XKR4: variants seen among roughly 807,000 people sequenced by gnomAD.
XKR4 encodes the protein XK-related protein 4.
XKR4 carries 12 observed loss-of-function variants against 53.9 expected under a neutral mutation model. That is an observed-to-expected ratio of 0.22 (90% CI 0.14 to 0.36). The LOEUF (loss-of-function observed/expected upper bound fraction) is 0.36. XKR4 is among the 10% of genes least tolerant of loss of function. XKR4 has a pLI of 1.00. For missense variants in XKR4, 799 were observed against 859.5 expected (o/e 0.93, Z 0.88); for synonymous variants, 354 against 362.4 (o/e 0.98, Z 0.26).
intron 2 of XKR4, among the ~76,000 whole-genome samples, chr8:55,379,984 C>T (rs113279763): frequency 1.3e-5 from 2 of 152,198 alleles, no homozygotes; most frequent in Admixed American, 6.5e-5. Flanking sequence ...ACATCATGCA[C>T]GTTAAGGCAT....
chr8:55,394,611 C>T (rs891844646), intron 2 of XKR4, among the ~76,000 whole-genome samples: 3 of 152,180 alleles, frequency 2.0e-5, no homozygotes, highest in African/African-American at 7.2e-5. Flanking sequence ...ATATCTTTCA[C>T]TTCCTCTTTG....
chr8:55,125,941 A>G (rs905810694), intron 1 of XKR4, among the ~76,000 whole-genome samples: 6 of 152,198 alleles, frequency 3.9e-5, no homozygotes, highest in African/African-American at 1.2e-4. Flanking sequence ...CACAGGTTGT[A>G]TGTCCTTGAA....
At chr8:55,429,291 A>G (rs565691321) in intron 2 of XKR4, among the ~76,000 whole-genome samples, 2 of 152,366 alleles carry the variant, frequency 1.3e-5, no homozygotes, top group South Asian at 4.1e-4. Context: ...TGGATAACAG[A>G]CTTCAGTGTA....
chr8:55,245,119 C>G (rs1240622270), intron 1 of XKR4, among the ~76,000 whole-genome samples: 1 of 151,952 alleles, frequency 6.6e-6, no homozygotes, highest in East Asian at 1.9e-4. Context: ...GTTGGCAAGG[C>G]TGGTCTCGAA....
intron 1 of XKR4, among the ~76,000 whole-genome samples, chr8:55,106,312 A>G (rs1816146012): frequency 6.6e-6 from 1 of 152,194 alleles, no homozygotes; most frequent in Non-Finnish European, 1.5e-5. Flanking sequence ...ATATGTTACA[A>G]TGCAACTGCT....
At chr8:55,427,876 T>C (rs1246516943) in intron 2 of XKR4, among the ~76,000 whole-genome samples, 1 of 152,214 alleles carries the variant, frequency 6.6e-6, no homozygotes, top group Non-Finnish European at 1.5e-5. Context: ...CACTCTCTTA[T>C]AGTTTATAAT....
chr8:55,447,370 TTGG>T (rs1469733005), intron 2 of XKR4, among the ~76,000 whole-genome samples: 1 of 152,184 alleles, frequency 6.6e-6, no homozygotes, highest in African/African-American at 2.4e-5. Context: ...CCTAGGGCTC[TTGG>T]TAGATGGACA....
chr8:55,190,816 C>T lies in XKR4; in HGVS notation c.806+87522C>T, dbSNP rs547738267. 2.6e-5 allele frequency among the ~76,000 whole-genome samples: 4 copies of T among 152,248 alleles called. No homozygotes were observed. The South Asian group carries it at 6.2e-4, about 24-fold the overall frequency. On this transcript the variant is annotated intron_variant, in intron 1 of 2. Transcript: ENST00000327381. ...CCGCTTTATGGAAACTCGTACATGA[C>T]GTGCAGCCTTGAAAATCCGAAAATG... is the stretch of plus-strand genomic sequence containing the variant.
chr8:55,426,453 C>G (rs1017493157), intron 2 of XKR4, among the ~76,000 whole-genome samples: 1 of 152,080 alleles, frequency 6.6e-6, no homozygotes, highest in African/African-American at 2.4e-5. Flanking sequence ...ACTGTACATT[C>G]CTTTAAGGTT....
intron 2 of XKR4, among the ~76,000 whole-genome samples, chr8:55,446,666 A>G (rs1455374404): frequency 6.6e-6 from 1 of 152,126 alleles, no homozygotes; most frequent in African/African-American, 2.4e-5. Context: ...CAATTTCAAG[A>G]GGGGATCAGT....
chr8:55,263,924 T>C (rs1009672484), intron 1 of XKR4, among the ~76,000 whole-genome samples: 4 of 152,116 alleles, frequency 2.6e-5, no homozygotes, highest in African/African-American at 7.2e-5. Context: ...ATTAGGAAAA[T>C]GGTCATTGCA....
chr8:55,481,908 A>G (rs13252235), intron 2 of XKR4, among the ~76,000 whole-genome samples: 152,316 of 152,318 alleles, frequency 1, 76,157 homozygotes, highest in Non-Finnish European at 1. Context: ...AGGTCCTGTA[A>G]AGGATGTGGA....
rs201207328 is a variant in XKR4, at chr8:55,437,954, C to CA, written c.1006+80089dup. 3.1e-3 allele frequency among the ~76,000 whole-genome samples: 396 copies of CA among 127,638 alleles called. 1 individual carries two copies. The highest frequency in any genetic ancestry group is 8.7e-3 in the African/African-American group (302 of 34,912). 83.7% of individuals were successfully genotyped at this position (127,638 alleles called of 152,430 possible). A position where few individuals can be genotyped will look rare whatever the true frequency, so the allele number is the denominator to read the frequency against. On this transcript the variant is annotated intron_variant, in intron 2 of 2. Coordinates refer to ENST00000327381, the MANE Select transcript of XKR4 (RefSeq NM_052898.2). ...TGTGCAGGTCCTCCAAACAAACAAA[C>CA]AAAAAAAAAAAAGAAGAAGAAGAAG...
chr8:55,150,567 C>T (rs553227870), intron 1 of XKR4, among the ~76,000 whole-genome samples: 60 of 152,158 alleles, frequency 3.9e-4, no homozygotes, highest in Non-Finnish European at 5.3e-4. Context: ...CCTGCCAGGG[C>T]CCTCTGCTCC....
At chr8:55,383,464 G>C (rs185264505) in intron 2 of XKR4, among the ~76,000 whole-genome samples, 204 of 152,292 alleles carry the variant, frequency 1.3e-3, no homozygotes, top group Non-Finnish European at 2.4e-3. Flanking sequence ...CTGAGTATAC[G>C]GGGAACCGTT....
At chr8:55,289,644 A>G (rs1487322120) in intron 1 of XKR4, among the ~76,000 whole-genome samples, 11 of 120,960 alleles carry the variant, frequency 9.1e-5, no homozygotes, top group African/African-American at 3.6e-4. Context: ...AAAGAAAGAA[A>G]GAAAGGAAGG....
chr8:55,229,770 C>G (rs1818005895), intron 1 of XKR4, among the ~76,000 whole-genome samples: 1 of 152,158 alleles, frequency 6.6e-6, no homozygotes, highest in Non-Finnish European at 1.5e-5. Flanking sequence ...GGCCCCCCTA[C>G]AGAAGCTTAG....
intron 2 of XKR4, among the ~76,000 whole-genome samples, chr8:55,446,175 C>G (rs576446116): frequency 1.3e-5 from 2 of 152,236 alleles, no homozygotes; most frequent in Admixed American, 1.3e-4. Flanking sequence ...AAAATCTATG[C>G]TGAAAGTTCA....
chr8:55,516,757 C>G (rs1239127005), intron 2 of XKR4, among the ~76,000 whole-genome samples: 1 of 152,178 alleles, frequency 6.6e-6, no homozygotes, highest in Non-Finnish European at 1.5e-5. Context: ...TTCCATCCAG[C>G]ATTCTCACTA....
Sources: gnomAD v4.1 joint callset for allele counts (sites outside exome capture counted in the v4.1 genomes callset) on GRCh38, gnomAD v4.1.1 for gene constraint, MANE v1.5 for transcripts, NCBI Gene and HGNC (gene_info 2026-07-23, HGNC 2026-07-21) for gene names.